The following GPC6 variants were observed in gnomAD, a reference collection of about 807,000 sequenced individuals.
GPC6 encodes the protein glypican-6.
In GPC6, 14 loss-of-function variants were observed where a neutral mutation model predicts 55.2. The observed-to-expected ratio is 0.25, with a 90% CI of 0.17 to 0.40. GPC6 has a LOEUF of 0.40. Among genes scored for constraint, GPC6 ranks in the 10% least tolerant of loss-of-function variants. The pLI is 1.00. For missense variants in GPC6, 641 were observed against 708.5 expected (o/e 0.90, Z 1.08); for synonymous variants, 278 against 259.6 (o/e 1.07, Z -0.68).
At chr13:94,034,098 A>G (rs1411226094) in intron 4 of GPC6, among the ~76,000 whole-genome samples, 1 of 152,072 alleles carries the variant, frequency 6.6e-6, no homozygotes, top group Non-Finnish European at 1.5e-5. Context: ...CATTGACTCA[A>G]TATTTCTCAT....
intron 4 of GPC6, among the ~76,000 whole-genome samples, chr13:94,200,370 G>A (rs769670460): frequency 1.2e-4 from 19 of 152,204 alleles, no homozygotes; most frequent in Non-Finnish European, 2.6e-4. Context: ...TAGAGCACAT[G>A]AGGATATGTA....
chr13:94,333,329 C>A (rs957903993), intron 6 of GPC6, among the ~76,000 whole-genome samples: 7 of 152,192 alleles, frequency 4.6e-5, no homozygotes, highest in African/African-American at 1.7e-4. Flanking sequence ...TGTACGGCAT[C>A]TTATGGTCAG....
intron 1 of GPC6, among the ~76,000 whole-genome samples, chr13:93,424,705 G>GA (rs575703038): frequency 2.0e-5 from 3 of 151,684 alleles, no homozygotes; most frequent in East Asian, 1.9e-4. Flanking sequence ...ACAGATAATA[G>GA]AAAAAAAATG....
chr13:93,438,404 G>A (rs749208504), intron 1 of GPC6, among the ~76,000 whole-genome samples: 7 of 152,264 alleles, frequency 4.6e-5, no homozygotes, highest in South Asian at 4.1e-4. Flanking sequence ...TCTAGGTTCC[G>A]TTAAGAACAT....
intron 4 of GPC6, among the ~76,000 whole-genome samples, chr13:94,186,652 G>C (rs1259680551): frequency 6.6e-6 from 1 of 152,036 alleles, no homozygotes; most frequent in Admixed American, 6.6e-5. Flanking sequence ...ATTCTCACAG[G>C]CACTTTAAAG....
At chr13:93,350,639 C>A (rs1310050576) in intron 1 of GPC6, among the ~76,000 whole-genome samples, 1 of 152,052 alleles carries the variant, frequency 6.6e-6, no homozygotes, top group African/African-American at 2.4e-5. Flanking sequence ...AAGAATTTTC[C>A]CAGTTCATTT....
intron 3 of GPC6, among the ~76,000 whole-genome samples, chr13:93,893,044 A>C (rs572302903): frequency 6.6e-6 from 1 of 151,772 alleles, no homozygotes; most frequent in Non-Finnish European, 1.5e-5. Context: ...AATTTTTGCC[A>C]GTAATAACCA....
chr13:93,836,793 A>T (rs1887748624), intron 3 of GPC6, among the ~76,000 whole-genome samples: 1 of 152,188 alleles, frequency 6.6e-6, no homozygotes, highest in African/African-American at 2.4e-5. Context: ...TAACAAAAAT[A>T]GATTATTAAG....
chr13:93,939,425 A>AATAATAATAATAATAATG lies in GPC6; in HGVS notation c.712-88293_712-88292insAATAATGATAATAATAAT, dbSNP rs1555343164. Reference sequence around the variant, plus strand: ...AGAGCAAGACTCTGTCTCAAATAATAATAATAATAATGATAATAATAAATA... The same window carrying AATAATAATAATAATAATG: ...AGAGCAAGACTCTGTCTCAAATAATAATAATAATAATAATAATGATAATAATAATGATAATAATAAATA... On this transcript the variant is annotated intron_variant, in intron 3 of 8. Transcript: ENST00000377047. Among the ~76,000 whole-genome samples, 490 of 149,754 alleles carry AATAATAATAATAATAATG rather than the reference A, an allele frequency of 3.3e-3. 5 individuals are homozygous for AATAATAATAATAATAATG. The highest frequency in any genetic ancestry group is 0.011 in the African/African-American group (465 of 41,098).
intron 3 of GPC6, among the ~76,000 whole-genome samples, chr13:93,947,181 C>A (rs1447418452): frequency 6.6e-6 from 1 of 152,108 alleles, no homozygotes; most frequent in African/African-American, 2.4e-5. Context: ...AAGAAGCATG[C>A]CGTTAAGTGC....
chr13:93,615,702 G>A (rs568904116), intron 2 of GPC6, among the ~76,000 whole-genome samples: 2 of 152,082 alleles, frequency 1.3e-5, no homozygotes, highest in Non-Finnish European at 2.9e-5. Context: ...AAGATGTGTT[G>A]TATGAGCTGT....
At chr13:93,944,163 C>T (rs896082917) in intron 3 of GPC6, among the ~76,000 whole-genome samples, 6 of 150,212 alleles carry the variant, frequency 4.0e-5, no homozygotes, top group African/African-American at 1.5e-4. Flanking sequence ...CCAGTTTCTT[C>T]CTTTTATTTT....
At chr13:94,032,036 G>T (rs1171115995) in intron 4 of GPC6, among the ~76,000 whole-genome samples, 1 of 152,174 alleles carries the variant, frequency 6.6e-6, no homozygotes, top group Admixed American at 6.5e-5. Flanking sequence ...GGCAAAGGTT[G>T]ATGAGACAAA....
At chr13:94,349,843 C>T (rs1172162521) in intron 6 of GPC6, among the ~76,000 whole-genome samples, 1 of 152,090 alleles carries the variant, frequency 6.6e-6, no homozygotes, top group Non-Finnish European at 1.5e-5. Context: ...TGATTCTTAA[C>T]TATGTATCTA....
At chr13:93,459,626 A>C (rs1878605276) in intron 1 of GPC6, among the ~76,000 whole-genome samples, 1 of 152,152 alleles carries the variant, frequency 6.6e-6, no homozygotes, top group Non-Finnish European at 1.5e-5. Flanking sequence ...CGGGTATTCT[A>C]ATCTGTAAGT....
chr13:93,331,834 C>T (rs1435231008), intron 1 of GPC6, among the ~76,000 whole-genome samples: 2 of 152,024 alleles, frequency 1.3e-5, no homozygotes, highest in Non-Finnish European at 2.9e-5. Flanking sequence ...ATTTTTGTAC[C>T]TATTAGCCAA....
chr13:93,482,883 A>G lies in GPC6; in HGVS notation c.161-62380A>G, dbSNP rs980444875. Among the ~76,000 whole-genome samples the G allele has an allele frequency of 5.3e-5, 8 of 152,294 alleles. No homozygotes were observed. In the South Asian group the frequency reaches 1.7e-3, roughly 32 times the overall value. ...TATGGAGGTTTTCTAAATCTATTTA[A>G]GATGTCTTTGTTACGTGCATTTTTG... On this transcript the variant is annotated intron_variant, in intron 1 of 8. Transcript: ENST00000377047.
At chr13:93,702,843 C>T (rs1421693250) in intron 2 of GPC6, among the ~76,000 whole-genome samples, 3 of 151,976 alleles carry the variant, frequency 2.0e-5, no homozygotes, top group Non-Finnish European at 4.4e-5. Context: ...GAGTTAAGGC[C>T]TTTCTGTTGA....
Position 94,406,479 on chromosome 13 carries a change from G to T in GPC6, c.*3262G>T, listed in dbSNP as rs1881372657. ...TGTCTCCCTTACAATGACTTACCTAGCTAGCATCAAGTAACTTGTATCACC... is the reference window on the plus strand; with the variant it reads ...TGTCTCCCTTACAATGACTTACCTATCTAGCATCAAGTAACTTGTATCACC... On this transcript the variant is annotated 3_prime_UTR_variant, in exon 9 of 9. Coordinates refer to ENST00000377047, the MANE Select transcript of GPC6 (RefSeq NM_005708.5). 1 of 152,096 alleles carries T rather than the reference G, an allele frequency of 6.6e-6. No individual in the cohort carries two copies. Among genetic ancestry groups the T allele is most frequent in the African/African-American group, 2.4e-5 (1 of 41,430 alleles). 9.4% of individuals were successfully genotyped at this position (152,096 alleles called of 1,614,324 possible).
Sources: allele counts gnomAD v4.1 joint callset (sites outside exome capture counted in the v4.1 genomes callset), GRCh38; gene constraint gnomAD v4.1.1; transcripts MANE v1.5; gene names NCBI Gene and HGNC (gene_info 2026-07-23, HGNC 2026-07-21).